Variants in MED12 observed in about 807,000 individuals in gnomAD.
MED12 encodes the protein mediator complex subunit 12.
In MED12, 10 loss-of-function variants were observed where a neutral mutation model predicts 177.7. The ratio of observed to expected loss-of-function variants is 0.06; its 90% CI spans 0.03 to 0.10. MED12 has a LOEUF of 0.10. MED12 is among the 10% of genes least tolerant of loss of function. The probability of loss-of-function intolerance (pLI) is 1.00; values close to 1 mark genes in which losing one functional copy is unlikely to be tolerated. For synonymous variants in MED12, 641 were observed against 678.4 expected, an observed-to-expected ratio of 0.94 and a Z score of 0.86; for missense variants, 867 against 1,780.8, an observed-to-expected ratio of 0.49 and a Z score of 9.23.
chrX:71,141,277 ACAG>A lies in MED12; in HGVS notation c.6327_6329del (p.Gln2115del), dbSNP rs1168018409. 2 of 1,158,745 alleles carry A rather than the reference ACAG, an allele frequency of 1.7e-6. No homozygotes were observed. The highest frequency in any genetic ancestry group is 2.3e-6 in the Non-Finnish European group (2 of 865,872). ...AGCAGCAGCAGCAGCAGCAACAGCA[ACAG>A]CAGCAGCAGCAACAGCAACAACAGC... On this transcript the variant is annotated inframe_deletion, in exon 43 of 45. Coordinates refer to ENST00000374080, the MANE Select transcript of MED12 (RefSeq NM_005120.3).
At chrX:71,141,136 A>G (rs1259826817) in intron 42 of MED12, 94 bp from the exon 43 acceptor site, 1 of 1,158,761 alleles carries the variant, frequency 8.6e-7, no homozygotes, top group Non-Finnish European at 1.1e-6. Context: ...CCGAGCTCCC[A>G]CCCTGCTTCC....
Position 71,136,854 on chromosome X carries a change from C to T in MED12, c.5401-25C>T, listed in dbSNP as rs41298482. On this transcript the variant is annotated intron_variant, in intron 37 of 44. Transcript: ENST00000374080. ...ACCCCATTCAGCTACAACCCACTCA[C>T]CCTCTTCCTCTGCCACTCACACAGG... 0.13 allele frequency: 152,725 copies of T among 1,208,219 alleles called. 6,999 individuals are homozygous for T. Among genetic ancestry groups the T allele is most frequent in the African/African-American group, 0.24 (13,491 of 56,741 alleles).
At position 71,132,220 on chromosome X, in the gene MED12, A is replaced by G; in HGVS notation, c.4253+14A>G. 1 of 1,208,108 alleles carries G rather than the reference A, an allele frequency of 8.3e-7. No individual in the cohort carries two copies. The highest frequency in any genetic ancestry group is 1.1e-6 in the Non-Finnish European group (1 of 892,616). ...GCCTGTGCTCAGGTCGGATAGAAAC[A>G]TGTTAGGACCCATCCCCTTAGGAGT... On this transcript the variant is annotated intron_variant, in intron 30 of 44. Coordinates refer to ENST00000374080, the MANE Select transcript of MED12 (RefSeq NM_005120.3).
In MED12 at chrX:71,135,136, C is replaced by T; in HGVS notation, c.4908C>T (p.Arg1636=). 1 of 1,211,327 alleles carries T rather than the reference C, an allele frequency of 8.3e-7. No homozygotes were observed. The highest frequency in any genetic ancestry group is 1.1e-6 in the Non-Finnish European group (1 of 895,354). ...ERQSDSLEKV[R]QLLPLPKQTR... Reference sequence around the variant, plus strand: ...AGTCAGACAGTCTGGAAAAGGTTCGCCAGCTGCTGCCACTGCCCAAGCAGA... The same window carrying T: ...AGTCAGACAGTCTGGAAAAGGTTCGTCAGCTGCTGCCACTGCCCAAGCAGA... The change falls in exon 36 of 45, where the codon CGC becomes CGT. Residue 1636 remains arginine, a synonymous_variant. Transcript: ENST00000374080.
At position 71,122,322 on chromosome X, in the gene MED12, G is replaced by A. The variant is rs760180422; in HGVS notation, c.1224G>A (p.Glu408=). 1 of 1,211,902 alleles carries A rather than the reference G, an allele frequency of 8.3e-7. No homozygotes were observed. The highest frequency in any genetic ancestry group is 1.8e-5 in the South Asian group (1 of 57,002). The part of the protein sequence containing the change: ...PIAPSNLPMP[E]GNSAFTQQVR... ...CCCCGTCCAACCTGCCCATGCCAGAGGGTAACAGTGCCTTCACTCAGCAGG... is the reference window on the plus strand; with the variant it reads ...CCCCGTCCAACCTGCCCATGCCAGAAGGTAACAGTGCCTTCACTCAGCAGG... Residue 408 remains glutamate (E), a synonymous_variant, in exon 8 of 45, where the codon GAG becomes GAA. Transcript: ENST00000374080.
At chrX:71,123,822 C>G in intron 12 of MED12, 102 bp downstream of exon 12, 2 of 909,593 alleles carry the variant, frequency 2.2e-6, no homozygotes, top group Non-Finnish European at 3.1e-6. Flanking sequence ...ATATTTCTCT[C>G]TTGGGCTCTA....
intron 1 of MED12, 157 bp from the exon 2 acceptor site, chrX:71,119,216 A>G: frequency 4.0e-6 from 2 of 494,835 alleles, no homozygotes; most frequent in Non-Finnish European, 7.3e-6. Context: ...GTGGGGTCCA[A>G]GTGAACGTAA....
In MED12 at chrX:71,126,949, A is replaced by T. The variant is rs1159242065; in HGVS notation, c.2686-20A>T. On this transcript the variant is annotated intron_variant, in intron 19 of 44. Transcript: ENST00000374080. ...CACAAGGGGCCTCTTTGCATTTCTC[A>T]CCCCCGTTTACTCTGCTAGCTGCTG... 2 of 1,203,788 alleles carry T rather than the reference A, an allele frequency of 1.7e-6. No individual in the cohort carries two copies. The highest frequency in any genetic ancestry group is 2.2e-6 in the Non-Finnish European group (2 of 890,063).
chrX:71,121,904 T>C (rs1190491091), intron 7 of MED12, 88 bp downstream of exon 7: 17 of 1,159,383 alleles, frequency 1.5e-5, no homozygotes, highest in African/African-American at 5.3e-5. Flanking sequence ...TAATTCCAAA[T>C]TGGATGTGGG....
At chrX:71,129,477 G>A in intron 26 of MED12, 48 bp downstream of exon 26, 1 of 1,013,088 alleles carries the variant, frequency 9.9e-7, no homozygotes, top group South Asian at 1.9e-5. Context: ...ATAGGGTGGA[G>A]TGCCAGCTAA....
intron 23 of MED12, 59 bp from the exon 24 acceptor site, chrX:71,128,539 A>C (rs2092308872): frequency 8.3e-7 from 1 of 1,208,784 alleles, no homozygotes. Flanking sequence ...GAGTGGAGGC[A>C]CACCGCTTTG....
rs2147767218 is a variant in MED12, at chrX:71,118,850, G to A, written c.96G>A (p.Lys32=). ...PDVYPQDPKQ[K]EDELTALNVK... ...TTTACCCTCAGGACCCCAAACAGAA[G>A]GAGGTGCGTTCGAAAATCGGGGCTC... is the stretch of plus-strand genomic sequence containing the variant. Residue 32 remains lysine (K), a synonymous_variant, in exon 1 of 45, where the codon AAG becomes AAA. Coordinates refer to ENST00000374080, the MANE Select transcript of MED12 (RefSeq NM_005120.3). 8.3e-7 allele frequency: 1 copy of A among 1,207,615 alleles called. No homozygotes were observed. The highest frequency in any genetic ancestry group is 1.1e-6 in the Non-Finnish European group (1 of 893,265).
intron 44 of MED12, 52 bp downstream of exon 44, chrX:71,142,016 C>G (rs369098007): frequency 8.6e-7 from 1 of 1,158,991 alleles, no homozygotes; most frequent in Non-Finnish European, 1.2e-6. Context: ...ATTTAGGGGG[C>G]GGGGTGGGCC....
intron 2 of MED12, 92 bp from the exon 3 acceptor site, chrX:71,119,594 C>G: frequency 9.1e-7 from 1 of 1,103,936 alleles, no homozygotes; most frequent in Admixed American, 2.4e-5. Context: ...CCTTCATGAC[C>G]TAATACTATC....
Position 71,125,475 on chromosome X carries a change from G to A in MED12, c.2351G>A (p.Arg784His), listed in dbSNP as rs777238737. The A allele has an allele frequency of 3.3e-6, 4 of 1,210,679 alleles. No individual in the cohort carries two copies. Among genetic ancestry groups the A allele is most frequent in the East Asian group, 3.0e-5 (1 of 33,807 alleles). The stretch of plus-strand genomic sequence containing the variant: ...AAGGATATCTTGAAGGTTCTGAACC[G>A]CAAAGGGACAGCAGAAACTGGTGGG... ...ITKDILKVLN[R>H]KGTAETDQLA... The change falls in exon 16 of 45, where the codon CGC becomes CAC. Residue 784 changes from arginine to histidine, a missense_variant. Coordinates refer to ENST00000374080, the MANE Select transcript of MED12 (RefSeq NM_005120.3).
intron 1 of MED12, 149 bp from the exon 2 acceptor site, chrX:71,119,224 T>G (rs2092282972): frequency 4.0e-6 from 2 of 505,291 alleles, no homozygotes; most frequent in Admixed American, 5.7e-5. Flanking sequence ...CAAGTGAACG[T>G]AAGGGCCCAG....
intron 31 of MED12, 113 bp downstream of exon 31, chrX:71,132,651 A>C: frequency 2.0e-6 from 2 of 982,974 alleles, no homozygotes; most frequent in Admixed American, 2.7e-5. Flanking sequence ...GGAAAATCAG[A>C]GGATAAGAGT....
Position 71,122,908 on chromosome X carries a change from C to G in MED12, c.1485+34C>G, listed in dbSNP as rs780437135. ...AAAGGGGAATAGAAGGAGCAAAAAA[C>G]ATTGCAAGAGCAATAATATGTCTGA... On this transcript the variant is annotated intron_variant, in intron 10 of 44. Transcript: ENST00000374080. 1.3e-5 allele frequency: 15 copies of G among 1,199,229 alleles called. No individual in the cohort carries two copies. The South Asian group carries it at 2.5e-4, about 20-fold the overall frequency.
intron 36 of MED12, among the ~76,000 whole-genome samples, 163 bp from the exon 37 acceptor site, chrX:71,136,118 T>A (rs750568810): frequency 9.1e-6 from 1 of 109,780 alleles, no homozygotes; most frequent in Non-Finnish European, 1.9e-5. Context: ...TCTCCCCGCA[T>A]AACTCTCTTC....
Sources: allele counts gnomAD v4.1 joint callset (sites outside exome capture counted in the v4.1 genomes callset), GRCh38; gene constraint gnomAD v4.1.1; transcripts MANE v1.5; gene names NCBI Gene and HGNC (gene_info 2026-07-23, HGNC 2026-07-21).